Variants in GABRB3 observed in about 807,000 individuals in gnomAD.
GABRB3 encodes gamma-aminobutyric acid receptor subunit beta-3.
GABRB3 carries 14 observed loss-of-function variants against 52.1 expected under a neutral mutation model. The ratio of observed to expected loss-of-function variants is 0.27; its 90% CI spans 0.18 to 0.42. The LOEUF is 0.42. Among genes scored for constraint, GABRB3 ranks in the 10% least tolerant of loss-of-function variants. The pLI, the probability that GABRB3 is intolerant of heterozygous loss-of-function variation, is 1.00. For synonymous variants in GABRB3, 260 were observed against 232.3 expected, an observed-to-expected ratio of 1.12 and a Z score of -1.08; for missense variants, 307 against 609.1, an observed-to-expected ratio of 0.50 and a Z score of 5.22.
At chr15:26,659,117 G>C (rs979026304) in intron 3 of GABRB3, among the ~76,000 whole-genome samples, 1 of 152,222 alleles carries the variant, frequency 6.6e-6, no homozygotes, top group Non-Finnish European at 1.5e-5. Flanking sequence ...AGGGGCCTGG[G>C]AGGTTGTTGG....
chr15:26,594,571 C>T (rs770025072), intron 4 of GABRB3, among the ~76,000 whole-genome samples: 4 of 152,226 alleles, frequency 2.6e-5, no homozygotes, highest in Admixed American at 6.5e-5. Context: ...CCACAGCTCA[C>T]TGTAGCTTCA....
chr15:26,648,513 A>C (rs1248763302), intron 3 of GABRB3, among the ~76,000 whole-genome samples: 1 of 152,186 alleles, frequency 6.6e-6, no homozygotes, highest in Non-Finnish European at 1.5e-5. Flanking sequence ...GTACAGTGAG[A>C]ACCTTATGAT....
At chr15:26,713,082 C>T (rs575927841) in intron 3 of GABRB3, among the ~76,000 whole-genome samples, 2 of 152,264 alleles carry the variant, frequency 1.3e-5, no homozygotes, top group Admixed American at 1.3e-4. Flanking sequence ...AGTGGGAGAA[C>T]CAGGCTCTGC....
chr15:26,698,392 T>C (rs1489181797), intron 3 of GABRB3, among the ~76,000 whole-genome samples: 2 of 152,182 alleles, frequency 1.3e-5, no homozygotes, highest in Non-Finnish European at 2.9e-5. Flanking sequence ...AATTCCAAAG[T>C]GAAATCTATT....
At chr15:26,629,481 A>C (rs919086206) in intron 3 of GABRB3, among the ~76,000 whole-genome samples, 14 of 152,308 alleles carry the variant, frequency 9.2e-5, no homozygotes, top group Non-Finnish European at 1.5e-4. Context: ...CCTTATCAGC[A>C]CATCTAGACC....
chr15:26,611,696 A>G (rs908233325), intron 4 of GABRB3, among the ~76,000 whole-genome samples: 4 of 152,212 alleles, frequency 2.6e-5, no homozygotes, highest in African/African-American at 9.6e-5. Context: ...CTGTACGTCT[A>G]TCTTCATGCA....
chr15:26,660,840 G>A (rs941248717), intron 3 of GABRB3, among the ~76,000 whole-genome samples: 1 of 152,276 alleles, frequency 6.6e-6, no homozygotes, highest in Non-Finnish European at 1.5e-5. Flanking sequence ...GTTTGGTTTG[G>A]GGGGGCAAGG....
chr15:26,563,305 C>A (rs914164883), intron 7 of GABRB3, among the ~76,000 whole-genome samples: 4 of 152,232 alleles, frequency 2.6e-5, no homozygotes, highest in African/African-American at 9.6e-5. Flanking sequence ...ACCCTGGATC[C>A]AGGCTGATTG....
chr15:26,718,482 T>A (rs539585716), intron 3 of GABRB3, among the ~76,000 whole-genome samples: 20 of 152,230 alleles, frequency 1.3e-4, no homozygotes, highest in Non-Finnish European at 2.2e-4. Flanking sequence ...GTGCTGGGAT[T>A]ACAGGCGTGA....
intron 3 of GABRB3, among the ~76,000 whole-genome samples, chr15:26,703,000 G>A (rs993552011): frequency 6.6e-6 from 1 of 152,028 alleles, no homozygotes; most frequent in Non-Finnish European, 1.5e-5. Flanking sequence ...TGGCCTTTTT[G>A]CTTTAATCTC....
chr15:26,561,118 G>A lies in GABRB3; in HGVS notation c.894C>T (p.Pro298=), dbSNP rs139378274. Residue 298 remains proline (P), a synonymous_variant, in exon 8 of 9, where the codon CCC becomes CCT. Transcript: ENST00000311550. The part of the protein sequence containing the change: ...TINTHLRETL[P]KIPYVKAIDM... ...CAATGGCTTTGACATAGGGGATTTT[G>A]GGCAAGGTCTCCCGAAGGTGGGTGT... 29 of 1,614,168 alleles carry A rather than the reference G, an allele frequency of 1.8e-5. No homozygotes were observed. The African/African-American group carries it at 3.2e-4, about 18-fold the overall frequency.
At chr15:26,736,158 AATT>A (rs1890061010) in intron 3 of GABRB3, among the ~76,000 whole-genome samples, 1 of 152,216 alleles carries the variant, frequency 6.6e-6, no homozygotes, top group South Asian at 2.1e-4. Flanking sequence ...GGATAGTGGC[AATT>A]ATTGCACAAA....
intron 3 of GABRB3, among the ~76,000 whole-genome samples, chr15:26,639,537 C>A (rs1259804675): frequency 2.0e-5 from 3 of 152,152 alleles, no homozygotes; most frequent in Non-Finnish European, 4.4e-5. Flanking sequence ...CATTTTATAT[C>A]AAGGACTTGA....
chr15:26,714,712 C>T (rs539581361), intron 3 of GABRB3, among the ~76,000 whole-genome samples: 2 of 152,316 alleles, frequency 1.3e-5, no homozygotes, highest in African/African-American at 4.8e-5. Context: ...CGCAGCTTGA[C>T]TTTTTCCCTT....
At chr15:26,762,375 G>A (rs1890844340) in intron 3 of GABRB3, among the ~76,000 whole-genome samples, 2 of 152,076 alleles carry the variant, frequency 1.3e-5, no homozygotes, top group African/African-American at 4.8e-5. Flanking sequence ...AGTCAAAGTG[G>A]CTTTGCTAAT....
chr15:26,759,538 C>A (rs930836140), intron 3 of GABRB3, among the ~76,000 whole-genome samples: 3 of 152,212 alleles, frequency 2.0e-5, no homozygotes, highest in African/African-American at 7.2e-5. Flanking sequence ...GGATTACAGG[C>A]ATGAGCCACC....
chr15:26,749,241 T>C (rs986525571), intron 3 of GABRB3, among the ~76,000 whole-genome samples: 1 of 152,156 alleles, frequency 6.6e-6, no homozygotes, highest in African/African-American at 2.4e-5. Flanking sequence ...TTCAGTACTA[T>C]GTATCATTTT....
At chr15:26,666,675 T>A (rs1357750841) in intron 3 of GABRB3, 1 of 152,194 alleles carries the variant, frequency 6.6e-6, no homozygotes, top group Non-Finnish European at 1.5e-5. Flanking sequence ...CAGGGATTCC[T>A]ATGTCACCTG....
At chr15:26,656,423 C>T (rs895133648) in intron 3 of GABRB3, among the ~76,000 whole-genome samples, 11 of 152,196 alleles carry the variant, frequency 7.2e-5, no homozygotes, top group Non-Finnish European at 1.3e-4. Flanking sequence ...TGCAAACTTA[C>T]GATTTTTCCT....
Sources: allele counts gnomAD v4.1 joint callset (sites outside exome capture counted in the v4.1 genomes callset), GRCh38; gene constraint gnomAD v4.1.1; transcripts MANE v1.5; gene names NCBI Gene and HGNC (gene_info 2026-07-23, HGNC 2026-07-21).